The following FAM222A variants were observed in gnomAD, a reference collection of about 807,000 sequenced individuals.
FAM222A encodes protein FAM222A.
In FAM222A, 7 loss-of-function variants were observed where a neutral mutation model predicts 25.8. The ratio of observed to expected loss-of-function variants is 0.27; its 90% CI spans 0.15 to 0.51. The LOEUF is 0.51. Among genes scored for constraint, FAM222A ranks in the 20% least tolerant of loss-of-function variants. FAM222A has a pLI of 0.97. For missense variants in FAM222A, 573 were observed against 640.5 expected (o/e 0.89, Z 1.14); for synonymous variants, 294 against 298.8 (o/e 0.98, Z 0.17).
chr12:109,761,410 C>G (rs1172029787), intron 2 of FAM222A, among the ~76,000 whole-genome samples: 2 of 152,206 alleles, frequency 1.3e-5, no homozygotes, highest in Admixed American at 1.3e-4. Context: ...CCCCTCCCCC[C>G]ATCCTAAATC....
intron 1 of FAM222A, among the ~76,000 whole-genome samples, chr12:109,739,921 C>G (rs1197139780): frequency 1.3e-5 from 2 of 152,178 alleles, no homozygotes; most frequent in Non-Finnish European, 2.9e-5. Context: ...AGAGGGCAGT[C>G]AATACATGCT....
chr12:109,716,190 G>A (rs780250256), intron 1 of FAM222A, among the ~76,000 whole-genome samples: 3 of 152,154 alleles, frequency 2.0e-5, no homozygotes, highest in African/African-American at 2.4e-5. Context: ...GTACTGGCAC[G>A]CTTCCCTGCA....
intron 2 of FAM222A, 146 bp from the exon 3 acceptor site, chr12:109,767,866 A>T: frequency 1.2e-6 from 1 of 809,452 alleles, no homozygotes; most frequent in Non-Finnish European, 1.9e-6. Flanking sequence ...CCTGCACTTT[A>T]CACTGAAATT....
intron 1 of FAM222A, among the ~76,000 whole-genome samples, chr12:109,736,486 C>T (rs781128798): frequency 6.6e-6 from 1 of 152,168 alleles, no homozygotes; most frequent in Non-Finnish European, 1.5e-5. Context: ...GATGTGAAGT[C>T]GGGGACAGAC....
chr12:109,753,594 A>G (rs1888623084), intron 2 of FAM222A, among the ~76,000 whole-genome samples: 2 of 151,692 alleles, frequency 1.3e-5, no homozygotes, highest in Admixed American at 6.6e-5. Context: ...ATCCATACCC[A>G]CAAGGGGGCA....
rs544500206 is a variant in FAM222A, at chr12:109,757,084, T to C, written c.83-10928T>C. Among the ~76,000 whole-genome samples the C allele has an allele frequency of 1.8e-4, 28 of 152,320 alleles. No homozygotes were observed. The Middle Eastern group carries it at 0.02, about 111-fold the overall frequency. On this transcript the variant is annotated intron_variant, in intron 2 of 2. Transcript: ENST00000538780. ...TGGTAGTTGATGTCTTTCTAGGAAT[T>C]TGTCCATTTCCTCTAAATTATGAAA... is the stretch of plus-strand genomic sequence containing the variant.
intron 2 of FAM222A, among the ~76,000 whole-genome samples, chr12:109,756,495 A>G: frequency 6.6e-6 from 1 of 151,868 alleles, no homozygotes; most frequent in East Asian, 1.9e-4. Flanking sequence ...GTAGAGGGAA[A>G]GCATTGAGTC....
rs1308971754 is a variant in FAM222A at position 109,767,957 on chromosome 12, G to A, written c.83-55G>A. The stretch of plus-strand genomic sequence containing the variant: ...GGGGGCGGGACTCGTGAGCCCTGTG[G>A]GGAGAGGTTGGCATGGCCTCCTGAT... On this transcript the variant is annotated intron_variant, in intron 2 of 2. Coordinates refer to ENST00000538780, the MANE Select transcript of FAM222A (RefSeq NM_032829.3). 14 of 1,554,052 alleles carry A rather than the reference G, an allele frequency of 9.0e-6. 1 individual carries two copies. The highest frequency in any genetic ancestry group is 2.7e-5 in the African/African-American group (2 of 73,838).
At chr12:109,729,278 C>T (rs953929328) in intron 1 of FAM222A, among the ~76,000 whole-genome samples, 9 of 152,186 alleles carry the variant, frequency 5.9e-5, no homozygotes, top group African/African-American at 2.2e-4. Flanking sequence ...TTTTTAAATG[C>T]AGCAAACAGG....
intron 1 of FAM222A, among the ~76,000 whole-genome samples, chr12:109,733,983 T>C (rs1169529382): frequency 6.6e-6 from 1 of 151,708 alleles, no homozygotes; most frequent in Admixed American, 6.6e-5. Context: ...GAGGCTGAAG[T>C]GAGAAGGTTG....
intron 1 of FAM222A, among the ~76,000 whole-genome samples, chr12:109,719,081 C>T (rs932757429): frequency 5.9e-5 from 9 of 152,322 alleles, no homozygotes; most frequent in African/African-American, 1.9e-4. Context: ...ACCACACAGC[C>T]AATGTGCAGC....
chr12:109,740,438 A>G (rs767739605), intron 1 of FAM222A, among the ~76,000 whole-genome samples: 5 of 152,184 alleles, frequency 3.3e-5, no homozygotes, highest in Non-Finnish European at 5.9e-5. Context: ...ATTTGCAGAT[A>G]GGGTTTCAAA....
chr12:109,758,972 C>A (rs758911898), intron 2 of FAM222A, among the ~76,000 whole-genome samples: 13 of 152,230 alleles, frequency 8.5e-5, no homozygotes, highest in Non-Finnish European at 1.5e-4. Context: ...TGTGTGCTTG[C>A]ACACCTTTCA....
chr12:109,741,912 C>A (rs1409614056), intron 1 of FAM222A, among the ~76,000 whole-genome samples: 1 of 152,184 alleles, frequency 6.6e-6, no homozygotes, highest in Non-Finnish European at 1.5e-5. Flanking sequence ...CCACTCCCTG[C>A]CTGGCAGGCC....
At chr12:109,744,566 G>A in intron 2 of FAM222A, 12 of 985,376 alleles carry the variant, frequency 1.2e-5, no homozygotes, top group Non-Finnish European at 1.4e-5. Flanking sequence ...CATTAAAGTA[G>A]GATGACGTGG....
intron 2 of FAM222A, among the ~76,000 whole-genome samples, chr12:109,765,444 G>A (rs1003101546): frequency 2.0e-5 from 3 of 152,304 alleles, no homozygotes; most frequent in African/African-American, 7.2e-5. Context: ...AGCCTGCCCC[G>A]GTGCCTCTCT....
At chr12:109,730,712 G>A (rs1887931745) in intron 1 of FAM222A, among the ~76,000 whole-genome samples, 1 of 152,188 alleles carries the variant, frequency 6.6e-6, no homozygotes. Flanking sequence ...CACACCACAG[G>A]TGCTCAGGCA....
chr12:109,765,459 C>T (rs552539642), intron 2 of FAM222A, among the ~76,000 whole-genome samples: 21 of 152,346 alleles, frequency 1.4e-4, no homozygotes, highest in African/African-American at 4.6e-4. Context: ...CTCTCTCCTC[C>T]CGAGTCATTT....
intron 1 of FAM222A, among the ~76,000 whole-genome samples, chr12:109,743,199 C>G (rs561915372): frequency 2.1e-4 from 32 of 152,292 alleles, no homozygotes; most frequent in Admixed American, 6.5e-4. Context: ...CCACCGCCAC[C>G]CTCCCATTGG....
Sources: gnomAD v4.1 joint callset for allele counts (sites outside exome capture counted in the v4.1 genomes callset) on GRCh38, gnomAD v4.1.1 for gene constraint, MANE v1.5 for transcripts, NCBI Gene and HGNC (gene_info 2026-07-23, HGNC 2026-07-21) for gene names.